Variants in B4GALT1 observed in about 807,000 individuals in gnomAD.
B4GALT1 encodes N-acetyllactosamine synthase.
A neutral mutation model predicts 34.9 loss-of-function variants in B4GALT1; 16 were observed. That is an observed-to-expected ratio of 0.46 (90% CI 0.31 to 0.70). The LOEUF is 0.70. Among genes scored for constraint, B4GALT1 ranks in the 30% least tolerant of loss-of-function variants. The probability of loss-of-function intolerance (pLI) is 0.05; values close to 1 mark genes in which losing one functional copy is unlikely to be tolerated. For synonymous variants in B4GALT1, 221 were observed against 218.1 expected (o/e 1.01, Z -0.12); for missense variants, 445 against 530.5 (o/e 0.84, Z 1.58).
At chr9:33,149,632 T>C (rs186902606) in intron 1 of B4GALT1, among the ~76,000 whole-genome samples, 1 of 152,244 alleles carries the variant, frequency 6.6e-6, no homozygotes, top group East Asian at 1.9e-4. Context: ...AATGGAGTAA[T>C]GCCAAATGCC....
chr9:33,107,511 G>A (rs558338065), downstream of B4GALT1, among the ~76,000 whole-genome samples: 2 of 152,278 alleles, frequency 1.3e-5, no homozygotes, highest in African/African-American at 4.8e-5. Flanking sequence ...ACCCCCAGGG[G>A]CAGCCGCCTC....
At chr9:33,146,700 T>G (rs1840430792) in intron 1 of B4GALT1, among the ~76,000 whole-genome samples, 1 of 117,992 alleles carries the variant, frequency 8.5e-6, no homozygotes, top group South Asian at 2.2e-4. Flanking sequence ...TTCTTTTCTT[T>G]TTTTTTTTTT....
In B4GALT1 at chr9:33,120,438, T is replaced by A. The variant is rs762833601; in HGVS notation, c.817A>T (p.Met273Leu). ...FSQPRHISVA[M>L]DKFGFSLPYV... ...TCTTACCTGAATCCAAACTTATCCA[T>A]TGCAACGGAAATGTGCCGTGGCTGT... The change falls in exon 3 of 6, where the codon ATG (methionine) becomes TTG (leucine). Residue 273 changes from methionine (M) to leucine (L), a missense_variant. Met to Leu is a conservative substitution (Grantham distance 15). This residue lies in a region of B4GALT1 where 349 missense variants were observed against 395.5 expected (regional missense o/e 0.88). Coordinates refer to ENST00000379731, the MANE Select transcript of B4GALT1 (RefSeq NM_001497.4). 95 of 1,613,244 alleles carry A rather than the reference T, an allele frequency of 5.9e-5. No homozygotes were observed. The highest frequency in any genetic ancestry group is 8.1e-5 in the Non-Finnish European group (95 of 1,180,036).
chr9:33,168,159 G>T (rs1449741477), upstream of B4GALT1, among the ~76,000 whole-genome samples: 2 of 152,236 alleles, frequency 1.3e-5, no homozygotes, highest in Non-Finnish European at 2.9e-5. Flanking sequence ...CCATGTCGTA[G>T]AGTGGGGCCC....
chr9:33,121,718 T>G (rs1840023717), intron 2 of B4GALT1, among the ~76,000 whole-genome samples: 1 of 152,112 alleles, frequency 6.6e-6, no homozygotes, highest in Admixed American at 6.6e-5. Context: ...GTTTTTTTTA[T>G]TCACCCAGTT....
chr9:33,117,413 G>A (rs1278404889), intron 3 of B4GALT1, among the ~76,000 whole-genome samples: 2 of 152,160 alleles, frequency 1.3e-5, no homozygotes, highest in Non-Finnish European at 2.9e-5. Context: ...TATGAATTGT[G>A]AACTCCTAAG....
intron 2 of B4GALT1, chr9:33,104,822 C>CTT (rs145270477): frequency 1.5e-3 from 614 of 400,730 alleles, no homozygotes; most frequent in East Asian, 2.4e-3. Flanking sequence ...ATCATTTTAC[C>CTT]TTTTTTTTTT....
At chr9:33,140,370 A>G (rs1242054424) in intron 1 of B4GALT1, among the ~76,000 whole-genome samples, 2 of 152,204 alleles carry the variant, frequency 1.3e-5, no homozygotes, top group Non-Finnish European at 2.9e-5. Flanking sequence ...ACTAAAGGTA[A>G]TCAAAGTATA....
intron 1 of B4GALT1, among the ~76,000 whole-genome samples, chr9:33,150,283 G>C (rs1840494806): frequency 6.6e-6 from 1 of 150,756 alleles, no homozygotes; most frequent in Non-Finnish European, 1.5e-5. Context: ...GAGAGAGAGA[G>C]AGAGAGAAGG....
chr9:33,154,945 G>C (rs1840575688), intron 1 of B4GALT1, among the ~76,000 whole-genome samples: 1 of 152,178 alleles, frequency 6.6e-6, no homozygotes, highest in Admixed American at 6.5e-5. Flanking sequence ...GACACCCCTG[G>C]GTCTTAAGTT....
At chr9:33,174,958 TAAAAAAAAAAAAA>T in the B4GALT1 span, among the ~76,000 whole-genome samples, 11 of 13,356 alleles carry the variant, frequency 8.2e-4, no homozygotes, top group Admixed American at 6.6e-3. Flanking sequence ...GACTCTGTCT[TAAAAAAAAAAAAA>T]AAAAAAAAAA....
the B4GALT1 span, among the ~76,000 whole-genome samples, chr9:33,175,839 G>A: frequency 1.3e-5 from 2 of 152,098 alleles, no homozygotes; most frequent in African/African-American, 2.4e-5. Context: ...ATTGACTATC[G>A]ACACATTTCT....
rs1364395637 is a variant in B4GALT1, at chr9:33,152,351, TAACATAACATAACATAACA to T, written c.412+14388_412+14406del. On this transcript the variant is annotated intron_variant, in intron 1 of 5. Coordinates refer to ENST00000379731, the MANE Select transcript of B4GALT1 (RefSeq NM_001497.4). ...TAACATAACATAACATAACATAACATAACATAACATAACATAACAACTTCTACATAGCTAAAGAAACCAG... is the reference window on the plus strand; with the variant it reads ...TAACATAACATAACATAACATAACATACTTCTACATAGCTAAAGAAACCAG... 5.3e-3 allele frequency among the ~76,000 whole-genome samples: 646 copies of T among 122,706 alleles called. 13 individuals are homozygous for T. Among genetic ancestry groups the T allele is most frequent in the African/African-American group, 0.02 (608 of 30,864 alleles). 80.5% of individuals were successfully genotyped at this position (122,706 alleles called of 152,430 possible).
the B4GALT1 span, among the ~76,000 whole-genome samples, chr9:33,183,906 C>T: frequency 6.6e-6 from 1 of 152,034 alleles, no homozygotes; most frequent in South Asian, 2.1e-4. Context: ...TCTCAGCAAA[C>T]TAACACAGGA....
At chr9:33,176,120 C>T in the B4GALT1 span, among the ~76,000 whole-genome samples, 1 of 152,186 alleles carries the variant, frequency 6.6e-6, no homozygotes, top group South Asian at 2.1e-4. Context: ...CTCTGTGGCT[C>T]TTATCTCTAC....
chr9:33,168,610 CT>C (rs1404705329), upstream of B4GALT1, among the ~76,000 whole-genome samples: 4 of 152,256 alleles, frequency 2.6e-5, no homozygotes, highest in Non-Finnish European at 5.9e-5. Flanking sequence ...CCTCACTTGA[CT>C]TCCTGGACAC....
intron 1 of B4GALT1, among the ~76,000 whole-genome samples, chr9:33,165,808 T>G (rs1840742703): frequency 6.6e-6 from 1 of 152,230 alleles, no homozygotes; most frequent in Non-Finnish European, 1.5e-5. Context: ...AAGTCCAGAC[T>G]AGGCTCAGCC....
rs185400315 is a variant in B4GALT1, at chr9:33,140,416, C to T, written c.413-4992G>A. Among the ~76,000 whole-genome samples the T allele has an allele frequency of 1.2e-4, 19 of 152,224 alleles. No individual in the cohort carries two copies. In the East Asian group the frequency reaches 3.5e-3, roughly 28 times the overall value. ...TTCTTCCAAGATTAAGTGCTTCTTA[C>T]TCTTTGAATATTAAAATGTCCTTTC... On this transcript the variant is annotated intron_variant, in intron 1 of 5. Coordinates refer to ENST00000379731, the MANE Select transcript of B4GALT1 (RefSeq NM_001497.4).
chr9:33,177,986 C>CTTTT, the B4GALT1 span, among the ~76,000 whole-genome samples: 69 of 107,408 alleles, frequency 6.4e-4, 1 homozygote, highest in East Asian at 1.7e-3. Flanking sequence ...AAACAGAAGA[C>CTTTT]TTTTTTTTTT....
Sources: allele counts gnomAD v4.1 joint callset (sites outside exome capture counted in the v4.1 genomes callset), GRCh38; gene constraint gnomAD v4.1.1; regional missense constraint gnomAD v4.1.1; transcripts MANE v1.5; gene names NCBI Gene and HGNC (gene_info 2026-07-23, HGNC 2026-07-21).